The following QSOX1 variants were observed in gnomAD, a reference collection of about 807,000 sequenced individuals.
QSOX1 encodes the protein sulfhydryl oxidase 1.
A neutral mutation model predicts 76.1 loss-of-function variants in QSOX1; 40 were observed. The ratio of observed to expected loss-of-function variants is 0.53; its 90% CI spans 0.41 to 0.68. The LOEUF is 0.68. Ranked by LOEUF, QSOX1 falls within the 30% of genes least tolerant of loss-of-function variation. QSOX1 has a pLI of 0.00. For synonymous variants in QSOX1, 392 were observed against 413.1 expected (o/e 0.95, Z 0.62); for missense variants, 931 against 974.3 (o/e 0.96, Z 0.59).
At chr1:180,170,209 G>A (rs1261371389) in intron 2 of QSOX1, among the ~76,000 whole-genome samples, 1 of 152,182 alleles carries the variant, frequency 6.6e-6, no homozygotes, top group African/African-American at 2.4e-5. Context: ...GCTTTTGCTA[G>A]AAGGTGAGAT....
chr1:180,171,099 T>G (rs1383422462), intron 2 of QSOX1, among the ~76,000 whole-genome samples: 1 of 152,070 alleles, frequency 6.6e-6, no homozygotes, highest in African/African-American at 2.4e-5. Context: ...AGACCAGAAC[T>G]GTGCCTTAGA....
At chr1:180,162,731 T>G (rs1662522376) in intron 1 of QSOX1, among the ~76,000 whole-genome samples, 1 of 151,974 alleles carries the variant, frequency 6.6e-6, no homozygotes, top group Non-Finnish European at 1.5e-5. Context: ...TAGTGAGACC[T>G]TATCTCAAAA....
chr1:180,175,195 C>A (rs1171108742), intron 2 of QSOX1, 126 bp from the exon 3 acceptor site: 3 of 848,780 alleles, frequency 3.5e-6, no homozygotes, highest in African/African-American at 1.7e-5. Flanking sequence ...GAAACAGGCT[C>A]AACAACATTA....
chr1:180,192,194 C>T (rs1290896994), intron 10 of QSOX1, among the ~76,000 whole-genome samples: 3 of 152,132 alleles, frequency 2.0e-5, no homozygotes, highest in Non-Finnish European at 2.9e-5. Context: ...CCAGCAGGTG[C>T]AAAGGACAAG....
intron 11 of QSOX1, among the ~76,000 whole-genome samples, chr1:180,194,914 C>G (rs1422653941): frequency 6.7e-6 from 1 of 149,492 alleles, no homozygotes; most frequent in Non-Finnish European, 1.5e-5. Flanking sequence ...CTCCAGGGAG[C>G]TGGGTCGGGA....
intron 2 of QSOX1, 94 bp downstream of exon 2, chr1:180,166,685 A>AT (rs757094993): frequency 3.2e-6 from 4 of 1,236,934 alleles, no homozygotes; most frequent in Non-Finnish European, 3.5e-6. Context: ...GGATGGGCAG[A>AT]TTTCAGCTGC....
At chr1:180,171,330 G>A (rs1662753506) in intron 2 of QSOX1, among the ~76,000 whole-genome samples, 1 of 151,884 alleles carries the variant, frequency 6.6e-6, no homozygotes. Context: ...CTGGATGACG[G>A]GTTTTTGAAG....
At position 180,193,378 on chromosome 1, in the gene QSOX1, A is replaced by T. The variant is rs1312336509; in HGVS notation, c.1289-835A>T. On this transcript the variant is annotated intron_variant, in intron 10 of 11. Transcript: ENST00000367602. ...GTGCAGAAGAACAAGCTGAGAAGGC[A>T]GAGGAGAGAGAGAGAGGCAGGTGTG... is the stretch of plus-strand genomic sequence containing the variant. Among the ~76,000 whole-genome samples the T allele has an allele frequency of 2.0e-5, 3 of 151,622 alleles. No homozygotes were observed. In the South Asian group the frequency reaches 6.3e-4, roughly 32 times the overall value.
At chr1:180,159,130 A>G (rs1374349341) in intron 1 of QSOX1, among the ~76,000 whole-genome samples, 1 of 152,156 alleles carries the variant, frequency 6.6e-6, no homozygotes, top group African/African-American at 2.4e-5. Context: ...CATCAATCCA[A>G]GATTTACAGC....
chr1:180,182,766 C>T (rs944549508), intron 6 of QSOX1, among the ~76,000 whole-genome samples: 4 of 152,238 alleles, frequency 2.6e-5, no homozygotes, highest in Admixed American at 2.6e-4. Flanking sequence ...AGAAAACAAT[C>T]AGGCCAGCCT....
intron 5 of QSOX1, among the ~76,000 whole-genome samples, chr1:180,179,349 C>T (rs945407251): frequency 3.3e-5 from 5 of 152,176 alleles, no homozygotes; most frequent in Admixed American, 6.5e-5. Flanking sequence ...CTAGCCCCAC[C>T]GGAGGAAATG....
intron 8 of QSOX1, among the ~76,000 whole-genome samples, chr1:180,186,857 T>G (rs1382517325): frequency 6.6e-6 from 1 of 152,258 alleles, no homozygotes; most frequent in Non-Finnish European, 1.5e-5. Context: ...GCCTTGAGCC[T>G]GTGCTCCTTC....
In QSOX1 at chr1:180,154,869, A is replaced by G; in HGVS notation, c.-39A>G. ...GTGCCGCGGCGCCGGGACCCGACTC[A>G]TCCGGTGCTTGCGTGTGGTGGTGAG... On this transcript the variant is annotated 5_prime_UTR_variant, in exon 1 of 12. Coordinates refer to ENST00000367602, the MANE Select transcript of QSOX1 (RefSeq NM_002826.5). The G allele has an allele frequency of 1.5e-6, 2 of 1,353,042 alleles. No homozygotes were observed. Among genetic ancestry groups the G allele is most frequent in the Non-Finnish European group, 1.9e-6 (2 of 1,057,368 alleles). 83.8% of individuals were successfully genotyped at this position (1,353,042 alleles called of 1,614,324 possible). A position where few individuals can be genotyped will look rare whatever the true frequency, so the allele number is the denominator to read the frequency against.
At position 180,197,026 on chromosome 1, in the gene QSOX1, C is replaced by T; in HGVS notation, c.2233C>T (p.Pro745Ser). 1 of 1,608,942 alleles carries T rather than the reference C, an allele frequency of 6.2e-7. No homozygotes were observed. The highest frequency in any genetic ancestry group is 8.5e-7 in the Non-Finnish European group (1 of 1,177,674). ...GGCCCTGAAGGGCCATGCTGGCCAC[C>T]CTGCAGCCTGAACCACCTGGGGAGG... is the stretch of plus-strand genomic sequence containing the variant. ...IRALKGHAGH[P>S]AA Residue 745 changes from proline (P) to serine (S), a missense_variant, in exon 12 of 12, where the codon CCT (proline) becomes TCT (serine). Physicochemically the swap from Pro to Ser is moderately conservative, Grantham distance 74. Transcript: ENST00000367602.
chr1:180,163,977 T>A (rs1041753839), intron 1 of QSOX1, among the ~76,000 whole-genome samples: 6 of 151,772 alleles, frequency 4.0e-5, no homozygotes, highest in African/African-American at 1.5e-4. Flanking sequence ...GGAGGTGAGG[T>A]CAGTAAAAAA....
intron 1 of QSOX1, among the ~76,000 whole-genome samples, chr1:180,157,062 A>T (rs972411631): frequency 4.6e-5 from 7 of 152,114 alleles, no homozygotes; most frequent in Non-Finnish European, 1.0e-4. Flanking sequence ...CTGCTCCTGG[A>T]TGAGGGTTAC....
chr1:180,181,045 ATC>A (rs1663021453), intron 5 of QSOX1, among the ~76,000 whole-genome samples: 1 of 152,168 alleles, frequency 6.6e-6, no homozygotes, highest in Admixed American at 6.5e-5. Context: ...ACGGTGCCGC[ATC>A]TCTTAGTCTC....
chr1:180,196,240 C>T lies in QSOX1; in HGVS notation c.1469-22C>T, dbSNP rs1663482194. The T allele has an allele frequency of 6.3e-7, 1 of 1,591,992 alleles. No individual in the cohort carries two copies. ...GGGTGGGACTGATGTCACCACCAGC[C>T]TGTGTATGCTTCCCTCTGTAGGTGC... On this transcript the variant is annotated intron_variant, in intron 11 of 11. Transcript: ENST00000367602. This position sits in a 1 kb window ranked among gnomAD's most constrained non-coding sequence, Gnocchi z 4.1.
At chr1:180,178,987 T>C in intron 5 of QSOX1, 103 bp downstream of exon 5, 2 of 1,056,394 alleles carry the variant, frequency 1.9e-6, no homozygotes. Flanking sequence ...CTTGGCTGCC[T>C]GGGTCTTTTA....
Sources: allele counts gnomAD v4.1 joint callset (sites outside exome capture counted in the v4.1 genomes callset), GRCh38; gene constraint gnomAD v4.1.1; non-coding constraint Gnocchi (gnomAD v3.1); transcripts MANE v1.5; gene names NCBI Gene and HGNC (gene_info 2026-07-23, HGNC 2026-07-21).